The following TBL1XR1 variants were observed in gnomAD, a reference collection of about 807,000 sequenced individuals.
TBL1XR1 encodes the protein TBL1X/Y related 1.
Under a neutral mutation model 66.9 loss-of-function variants are expected in TBL1XR1, and 5 were observed. That is an observed-to-expected ratio of 0.07 (90% CI 0.04 to 0.16). The LOEUF (loss-of-function observed/expected upper bound fraction) is 0.16. Among genes scored for constraint, TBL1XR1 ranks in the 10% least tolerant of loss-of-function variants. The pLI is 1.00. For missense variants in TBL1XR1, 238 were observed against 623.2 expected (o/e 0.38, Z 6.58); for synonymous variants, 210 against 206.0 (o/e 1.02, Z -0.17).
intron 10 of TBL1XR1, among the ~76,000 whole-genome samples, chr3:177,039,473 T>C (rs1412829518): frequency 1.3e-5 from 2 of 152,202 alleles, no homozygotes; most frequent in African/African-American, 4.8e-5. Flanking sequence ...AAATACCTCT[T>C]AAAATCTGTT....
intron 1 of TBL1XR1, among the ~76,000 whole-genome samples, chr3:177,189,664 A>AAAAATAAAAATTTC (rs57549428): frequency 7.0e-6 from 1 of 141,884 alleles, no homozygotes; most frequent in Non-Finnish European, 1.5e-5. Context: ...AAAAAAAAAA[A>AAAAATAAAAATTTC]AGAAGGATGT....
At chr3:177,155,026 AAAG>A (rs1252263683) in intron 1 of TBL1XR1, among the ~76,000 whole-genome samples, 2 of 152,210 alleles carry the variant, frequency 1.3e-5, no homozygotes, top group African/African-American at 4.8e-5. Flanking sequence ...ACAAAGGCTC[AAAG>A]AAGAAATCAC....
Position 177,019,860 on chromosome 3 carries a change from T to G in TBL1XR1, c.*5638A>C, listed in dbSNP as rs1441763102. ...GCAATAAAAGTTAACCCCTTGAAAA[T>G]GAAAGCATGTCAGTTCTAGCAACTG... is the stretch of plus-strand genomic sequence containing the variant. On this transcript the variant is annotated 3_prime_UTR_variant, in exon 16 of 16. Transcript: ENST00000457928. The G allele has an allele frequency of 6.6e-6, 1 of 151,906 alleles. No individual in the cohort carries two copies. The highest frequency in any genetic ancestry group is 2.4e-5 in the African/African-American group (1 of 41,328). The allele number at this position is 151,906 out of a possible 1,614,324, so 9.4% of individuals were successfully genotyped here. A position where few individuals can be genotyped will look rare whatever the true frequency, so the allele number is the denominator to read the frequency against.
chr3:177,047,528 T>A lies in TBL1XR1; in HGVS notation c.724A>T (p.Thr242Ser). ...CTGGCAAACCCATCATAGGAACCAG[T>A]TGCTAGAAGTGTACCTTCACTCTGC... ...DWNSEGTLLA[T>S]GSYDGFARIW... The change falls in exon 8 of 16, where the codon ACT (threonine) becomes TCT (serine). Residue 242 changes from threonine (T) to serine (S), a missense_variant. Physicochemically the swap from Thr to Ser is moderately conservative, Grantham distance 58. This residue lies in a region of TBL1XR1 where 26 missense variants were observed against 103.7 expected (regional missense o/e 0.25). Coordinates refer to ENST00000457928, the MANE Select transcript of TBL1XR1 (RefSeq NM_024665.7). 6.2e-7 allele frequency: 1 copy of A among 1,613,044 alleles called. No individual in the cohort carries two copies. The highest frequency in any genetic ancestry group is 8.5e-7 in the Non-Finnish European group (1 of 1,179,370).
At chr3:177,032,874 C>T in intron 14 of TBL1XR1, 97 bp downstream of exon 14, 1 of 1,017,312 alleles carries the variant, frequency 9.8e-7, no homozygotes, top group East Asian at 3.0e-5. Context: ...ATTAATGCCA[C>T]AAGAGGAATG....
chr3:177,152,644 C>G (rs903861362), intron 1 of TBL1XR1, among the ~76,000 whole-genome samples: 1 of 152,178 alleles, frequency 6.6e-6, no homozygotes, highest in Non-Finnish European at 1.5e-5. Flanking sequence ...TATTTCCTCA[C>G]TATTCAAGTC....
intron 3 of TBL1XR1, among the ~76,000 whole-genome samples, chr3:177,061,030 C>T (rs1037113303): frequency 6.6e-6 from 1 of 151,972 alleles, no homozygotes; most frequent in Non-Finnish European, 1.5e-5. Flanking sequence ...ATGGTGAGGA[C>T]CAAAGTAATT....
chr3:177,034,348 T>C (rs1398757801), intron 12 of TBL1XR1, 23 bp from the exon 13 acceptor site: 1 of 1,473,126 alleles, frequency 6.8e-7, no homozygotes, highest in Non-Finnish European at 9.0e-7. Flanking sequence ...GAAAAATGTA[T>C]ACAATTATTT....
At position 177,024,134 on chromosome 3, in the gene TBL1XR1, T is replaced by A. The variant is rs1476753259; in HGVS notation, c.*1364A>T. The A allele has an allele frequency of 6.6e-6, 1 of 152,424 alleles. No homozygotes were observed. Among genetic ancestry groups the A allele is most frequent in the Admixed American group, 6.6e-5 (1 of 15,242 alleles). 9.4% of individuals were successfully genotyped at this position (152,424 alleles called of 1,614,324 possible). ...AAAAAATTAGCAGCTTAAATCTATC[T>A]ATATTTGAAAAAACGTAGTCACAAG... On this transcript the variant is annotated 3_prime_UTR_variant, in exon 16 of 16. Coordinates refer to ENST00000457928, the MANE Select transcript of TBL1XR1 (RefSeq NM_024665.7).
At chr3:177,128,214 G>A (rs781193164) in intron 1 of TBL1XR1, among the ~76,000 whole-genome samples, 71 of 151,742 alleles carry the variant, frequency 4.7e-4, no homozygotes, top group African/African-American at 1.3e-3. Context: ...ACAAGACTCC[G>A]TCTCAGGAAA....
intron 6 of TBL1XR1, 26 bp from the exon 7 acceptor site, chr3:177,050,164 G>A (rs759349467): frequency 9.3e-6 from 15 of 1,608,482 alleles, no homozygotes; most frequent in Admixed American, 6.7e-5. Context: ...ATATATTTTA[G>A]ATCCTCATGA....
chr3:177,195,864 A>T (rs1350543116), intron 1 of TBL1XR1, among the ~76,000 whole-genome samples: 1 of 152,214 alleles, frequency 6.6e-6, no homozygotes, highest in Non-Finnish European at 1.5e-5. Context: ...GTCAACTGTA[A>T]ATCACATAGG....
At chr3:177,130,789 C>A (rs1728203712) in intron 1 of TBL1XR1, among the ~76,000 whole-genome samples, 1 of 152,156 alleles carries the variant, frequency 6.6e-6, no homozygotes, top group Non-Finnish European at 1.5e-5. Context: ...ATTGTTAACT[C>A]CTCAGAAAAG....
intron 1 of TBL1XR1, among the ~76,000 whole-genome samples, chr3:177,108,921 C>G (rs188759594): frequency 1.3e-5 from 2 of 151,970 alleles, no homozygotes; most frequent in African/African-American, 4.8e-5. Context: ...CACCAAGCAG[C>G]GATGAGAAGA....
chr3:177,052,774 T>C (rs543047835), intron 4 of TBL1XR1, among the ~76,000 whole-genome samples: 17 of 152,220 alleles, frequency 1.1e-4, no homozygotes, highest in African/African-American at 2.9e-4. Flanking sequence ...ATCTCTGAAA[T>C]AGAAGTAATG....
intron 1 of TBL1XR1, among the ~76,000 whole-genome samples, chr3:177,173,162 G>A (rs1240450976): frequency 6.6e-6 from 1 of 152,166 alleles, no homozygotes; most frequent in Non-Finnish European, 1.5e-5. Flanking sequence ...ACTCCAGCCT[G>A]GGAAACAAGA....
At chr3:177,114,594 C>G (rs1382641888) in intron 1 of TBL1XR1, among the ~76,000 whole-genome samples, 4 of 152,006 alleles carry the variant, frequency 2.6e-5, no homozygotes, top group African/African-American at 9.7e-5. Flanking sequence ...GCCACCACAC[C>G]CAGCCAATAT....
chr3:177,038,313 C>T lies in TBL1XR1; in HGVS notation c.1047G>A (p.Thr349=), dbSNP rs765557053. Residue 349 remains threonine, a splice_region_variant and synonymous_variant, in exon 11 of 16, where the codon ACG becomes ACA. Coordinates refer to ENST00000457928, the MANE Select transcript of TBL1XR1 (RefSeq NM_024665.7). ...DRPIKTFQGH[T]NEVNAIKWDP... ...TTAATGTGGAAAAAAGGTTTCTTAC[C>T]GTATGTCCTTGGAATGTTTTAATAG... 12 of 1,595,658 alleles carry T rather than the reference C, an allele frequency of 7.5e-6. No homozygotes were observed. The highest frequency in any genetic ancestry group is 1.7e-4 in the Middle Eastern group (1 of 5,976).
chr3:177,101,072 G>C (rs1042346123), intron 1 of TBL1XR1, among the ~76,000 whole-genome samples: 1 of 152,002 alleles, frequency 6.6e-6, no homozygotes, highest in Admixed American at 6.5e-5. Context: ...GGTCAGGCTG[G>C]TCCCGAACTC....
Sources: gnomAD v4.1 joint callset for allele counts (sites outside exome capture counted in the v4.1 genomes callset) on GRCh38, gnomAD v4.1.1 for gene constraint, gnomAD v4.1.1 regional missense constraint, MANE v1.5 for transcripts, NCBI Gene and HGNC (gene_info 2026-07-23, HGNC 2026-07-21) for gene names.